MAML2: variants seen among roughly 807,000 people sequenced by gnomAD.
MAML2 encodes the protein mastermind like transcriptional coactivator 2.
Under a neutral mutation model 96.1 loss-of-function variants are expected in MAML2, and 22 were observed. The ratio of observed to expected loss-of-function variants is 0.23; its 90% CI spans 0.16 to 0.33. The LOEUF (loss-of-function observed/expected upper bound fraction) is 0.33, where lower values mean the gene tolerates loss of function less well. Ranked by LOEUF, MAML2 falls within the 10% of genes least tolerant of loss-of-function variation. The probability of loss-of-function intolerance (pLI) is 1.00; values close to 1 mark genes in which losing one functional copy is unlikely to be tolerated. For synonymous variants in MAML2, 561 were observed against 521.3 expected (o/e 1.08, Z -1.04); for missense variants, 1,367 against 1,392.4 (o/e 0.98, Z 0.29).
chr11:96,175,295 ACT>A (rs1861367298), intron 1 of MAML2, among the ~76,000 whole-genome samples: 1 of 152,160 alleles, frequency 6.6e-6, no homozygotes, highest in Non-Finnish European at 1.5e-5. Flanking sequence ...ACCAAATTAA[ACT>A]TTGTTCTGCA....
At chr11:96,131,365 G>A (rs1002050930) in intron 1 of MAML2, among the ~76,000 whole-genome samples, 1 of 152,080 alleles carries the variant, frequency 6.6e-6, no homozygotes, top group Non-Finnish European at 1.5e-5. Context: ...ATAATGCACA[G>A]AACAACTAGA....
intron 1 of MAML2, among the ~76,000 whole-genome samples, chr11:96,306,314 A>G (rs1863461207): frequency 6.6e-6 from 1 of 152,222 alleles, no homozygotes; most frequent in South Asian, 2.1e-4. Context: ...AAGCTTCAAA[A>G]GACTTGGCTC....
intron 1 of MAML2, among the ~76,000 whole-genome samples, chr11:96,184,285 G>A (rs865857019): frequency 5.9e-5 from 9 of 151,936 alleles, no homozygotes; most frequent in South Asian, 2.1e-4. Flanking sequence ...TACTAAAAAC[G>A]TAAAAATTAG....
chr11:96,155,720 C>T (rs748846811), intron 1 of MAML2, among the ~76,000 whole-genome samples: 7 of 151,268 alleles, frequency 4.6e-5, no homozygotes, highest in Admixed American at 6.6e-5. Flanking sequence ...GTCCCTGCCC[C>T]GCCCCTCCTG....
chr11:96,008,279 A>G (rs1275172924), intron 2 of MAML2, among the ~76,000 whole-genome samples: 2 of 152,062 alleles, frequency 1.3e-5, no homozygotes, highest in Non-Finnish European at 2.9e-5. Context: ...CAGATCCTTG[A>G]TTTGAACATA....
intron 2 of MAML2, among the ~76,000 whole-genome samples, chr11:95,992,577 T>C (rs1228861234): frequency 6.6e-6 from 1 of 152,190 alleles, no homozygotes; most frequent in African/African-American, 2.4e-5. Context: ...ACAAGAAGAC[T>C]AGAAAATATG....
chr11:96,141,344 A>G (rs749312667), intron 1 of MAML2, among the ~76,000 whole-genome samples: 9 of 152,064 alleles, frequency 5.9e-5, no homozygotes, highest in African/African-American at 2.2e-4. Flanking sequence ...TTACCTGGAA[A>G]CCCTACCAGG....
At chr11:96,169,392 A>G (rs2135898221) in intron 1 of MAML2, among the ~76,000 whole-genome samples, 2 of 152,272 alleles carry the variant, frequency 1.3e-5, no homozygotes, top group South Asian at 4.2e-4. Flanking sequence ...TCCATCTAGC[A>G]CTTTCTCCAA....
intron 1 of MAML2, among the ~76,000 whole-genome samples, chr11:96,109,182 G>T (rs1021023485): frequency 6.6e-6 from 1 of 152,144 alleles, no homozygotes; most frequent in African/African-American, 2.4e-5. Flanking sequence ...ATAGTGATAA[G>T]TAGGCCCTCA....
chr11:96,325,847 A>T (rs1863768812), intron 1 of MAML2, among the ~76,000 whole-genome samples: 1 of 152,204 alleles, frequency 6.6e-6, no homozygotes, highest in South Asian at 2.1e-4. Flanking sequence ...GCCTGGGCCA[A>T]AAAGACCACT....
intron 1 of MAML2, among the ~76,000 whole-genome samples, chr11:96,233,988 GTC>G (rs1233684315): frequency 6.6e-6 from 1 of 152,188 alleles, no homozygotes; most frequent in Non-Finnish European, 1.5e-5. Flanking sequence ...AGTCAGCACT[GTC>G]TCCATCCTAT....
At chr11:96,029,917 A>AT (rs1565194032) in intron 2 of MAML2, among the ~76,000 whole-genome samples, 3 of 152,126 alleles carry the variant, frequency 2.0e-5, no homozygotes, top group South Asian at 2.1e-4. Flanking sequence ...TGTTCAGCTA[A>AT]TTTTTTTAAA....
At chr11:96,303,207 T>C (rs147094763) in intron 1 of MAML2, among the ~76,000 whole-genome samples, 4 of 152,330 alleles carry the variant, frequency 2.6e-5, no homozygotes, top group Non-Finnish European at 5.9e-5. Flanking sequence ...GTGCAGCACA[T>C]GACTCACACA....
intron 1 of MAML2, among the ~76,000 whole-genome samples, chr11:96,120,548 G>T (rs1190613874): frequency 1.3e-5 from 2 of 152,150 alleles, no homozygotes; most frequent in Non-Finnish European, 2.9e-5. Flanking sequence ...CTACCTCCCA[G>T]CTCCTTAAGC....
At chr11:95,984,079 T>G (rs1449221790) in intron 4 of MAML2, among the ~76,000 whole-genome samples, 1 of 152,168 alleles carries the variant, frequency 6.6e-6, no homozygotes, top group Non-Finnish European at 1.5e-5. Context: ...ATTTTGTATC[T>G]TTTTAATTAT....
chr11:96,062,521 C>A (rs902315456), intron 2 of MAML2, among the ~76,000 whole-genome samples: 1 of 152,092 alleles, frequency 6.6e-6, no homozygotes, highest in Non-Finnish European at 1.5e-5. Flanking sequence ...TTAGGGGCTA[C>A]AATAAGGGTG....
chr11:95,991,556 C>T lies in MAML2; in HGVS notation c.2307G>A (p.Gln769=), dbSNP rs1295359407. 1 of 1,613,744 alleles carries T rather than the reference C, an allele frequency of 6.2e-7. No individual in the cohort carries two copies. Among genetic ancestry groups the T allele is most frequent in the South Asian group, 1.1e-5 (1 of 91,082 alleles). The part of the protein sequence containing the change: ...TLQRQIMEQK[Q]QLLLQQQMLA... The stretch of plus-strand genomic sequence containing the variant: ...GCATCTGCTGCTGGAGAAGAAGTTG[C>T]TGTTTCTGCTCCATGATCTGCCTCT... The change falls in exon 3 of 5, where the codon CAG becomes CAA. Residue 769 remains glutamine (Q), a synonymous_variant. Coordinates refer to ENST00000524717, the MANE Select transcript of MAML2 (RefSeq NM_032427.4).
intron 1 of MAML2, among the ~76,000 whole-genome samples, chr11:96,196,614 C>A (rs1448859486): frequency 2.6e-5 from 4 of 152,184 alleles, no homozygotes; most frequent in Admixed American, 1.3e-4. Context: ...CAGGGGATGC[C>A]CCCTCCCCAT....
chr11:95,981,865 T>G (rs537269799), intron 4 of MAML2, among the ~76,000 whole-genome samples: 1 of 152,324 alleles, frequency 6.6e-6, no homozygotes, highest in Admixed American at 6.5e-5. Context: ...AATTATCACC[T>G]GTAGTCGCCC....
Sources: gnomAD v4.1 joint callset for allele counts (sites outside exome capture counted in the v4.1 genomes callset) on GRCh38, gnomAD v4.1.1 for gene constraint, MANE v1.5 for transcripts, NCBI Gene and HGNC (gene_info 2026-07-23, HGNC 2026-07-21) for gene names.